The following ESR1 variants were observed in gnomAD, a reference collection of about 807,000 sequenced individuals.
ESR1 encodes estrogen receptor 1, also known as estrogen receptor.
In ESR1, 12 loss-of-function variants were observed where a neutral mutation model predicts 52.7. The ratio of observed to expected loss-of-function variants is 0.23; its 90% CI spans 0.15 to 0.37. ESR1 has a LOEUF of 0.37. ESR1 is among the 10% of genes least tolerant of loss of function. The pLI is 1.00. For synonymous variants in ESR1, 305 were observed against 316.8 expected (o/e 0.96, Z 0.39); for missense variants, 584 against 779.7 (o/e 0.75, Z 2.99).
At chr6:152,038,982 A>G (rs575368805) in intron 5 of ESR1, among the ~76,000 whole-genome samples, 1 of 152,214 alleles carries the variant, frequency 6.6e-6, no homozygotes, top group Non-Finnish European at 1.5e-5. Context: ...AAAGAAAGGA[A>G]GTAAAATGAA....
At chr6:152,052,800 C>T (rs1276907779) in intron 5 of ESR1, among the ~76,000 whole-genome samples, 2 of 152,068 alleles carry the variant, frequency 1.3e-5, no homozygotes, top group African/African-American at 4.8e-5. Flanking sequence ...TCCAAGCAGA[C>T]AGCACGGGCA....
intron 2 of ESR1, among the ~76,000 whole-genome samples, chr6:151,768,798 C>T (rs1284973555): frequency 2.0e-5 from 3 of 152,140 alleles, no homozygotes; most frequent in African/African-American, 7.2e-5. Context: ...TTTCCTTTAA[C>T]TCGTAAATTA....
chr6:151,734,718 G>T (rs1033177614), intron 2 of ESR1, among the ~76,000 whole-genome samples: 2 of 151,746 alleles, frequency 1.3e-5, no homozygotes, highest in Non-Finnish European at 3.0e-5. Context: ...TGCCTCCTGG[G>T]TTCAAGTGAT....
intron 4 of ESR1, among the ~76,000 whole-genome samples, chr6:151,960,244 A>C (rs1386356106): frequency 6.6e-6 from 1 of 152,208 alleles, no homozygotes; most frequent in Non-Finnish European, 1.5e-5. Context: ...GGGATACACC[A>C]AGCCCTGCCT....
chr6:151,867,483 C>G (rs1317873492), intron 2 of ESR1, among the ~76,000 whole-genome samples: 2 of 151,844 alleles, frequency 1.3e-5, no homozygotes, highest in Non-Finnish European at 1.5e-5. Flanking sequence ...TATGAACAGA[C>G]AGTTCTCAAA....
At chr6:151,827,629 A>T (rs1781731136) in intron 1 of ESR1, among the ~76,000 whole-genome samples, 1 of 152,216 alleles carries the variant, frequency 6.6e-6, no homozygotes, top group Non-Finnish European at 1.5e-5. Context: ...CTTCCAAAGG[A>T]TGATGACTAT....
intron 3 of ESR1, among the ~76,000 whole-genome samples, chr6:151,885,014 T>C (rs1793614183): frequency 1.3e-5 from 2 of 150,964 alleles, no homozygotes; most frequent in African/African-American, 4.9e-5. Flanking sequence ...ATAAACTCCA[T>C]GATGGCGCGG....
intron 1 of ESR1, among the ~76,000 whole-genome samples, chr6:151,832,891 C>T (rs1782675570): frequency 1.3e-5 from 2 of 152,090 alleles, no homozygotes; most frequent in African/African-American, 4.8e-5. Context: ...TTGTTAGTAT[C>T]GTGGTGGAAA....
intron 3 of ESR1, among the ~76,000 whole-genome samples, chr6:151,903,392 T>C (rs1796969985): frequency 6.6e-6 from 1 of 152,168 alleles, no homozygotes; most frequent in South Asian, 2.1e-4. Context: ...TTTGCAACTG[T>C]GAGAGAGCCG....
At chr6:151,835,469 A>G (rs2128221898) in intron 1 of ESR1, among the ~76,000 whole-genome samples, 1 of 152,278 alleles carries the variant, frequency 6.6e-6, no homozygotes, top group South Asian at 2.1e-4. Context: ...AAGGGAACGG[A>G]AGTGGAGTGG....
chr6:152,124,576 T>C (rs181435435), intron 6 of ESR1, among the ~76,000 whole-genome samples: 22 of 152,324 alleles, frequency 1.4e-4, no homozygotes, highest in African/African-American at 5.0e-4. Flanking sequence ...TGTCTTCTAC[T>C]GATTTGTCAG....
intron 1 of ESR1, among the ~76,000 whole-genome samples, chr6:151,841,043 C>T (rs1784204828): frequency 6.6e-6 from 1 of 152,164 alleles, no homozygotes; most frequent in African/African-American, 2.4e-5. Flanking sequence ...TTACCTCCTT[C>T]CTTCCAGTCT....
chr6:152,007,239 G>C (rs911187741), intron 4 of ESR1, among the ~76,000 whole-genome samples: 2 of 152,030 alleles, frequency 1.3e-5, no homozygotes, highest in African/African-American at 4.8e-5. Flanking sequence ...AGAGTGGAGA[G>C]AGGGCTCAGG....
chr6:151,764,290 T>C (rs1784878272), intron 2 of ESR1, among the ~76,000 whole-genome samples: 2 of 151,902 alleles, frequency 1.3e-5, no homozygotes, highest in Admixed American at 1.3e-4. Flanking sequence ...TTTTTCTGCC[T>C]GAGTAACAGA....
intron 2 of ESR1, among the ~76,000 whole-genome samples, chr6:151,752,558 TA>T (rs948806361): frequency 2.7e-5 from 4 of 149,870 alleles, no homozygotes; most frequent in Admixed American, 6.7e-5. Flanking sequence ...TTCACCAGAA[TA>T]AAAAAAAATT....
chr6:152,012,533 G>A (rs2042866230), intron 5 of ESR1, among the ~76,000 whole-genome samples: 1 of 152,100 alleles, frequency 6.6e-6, no homozygotes, highest in Non-Finnish European at 1.5e-5. Flanking sequence ...TACCAGAAAG[G>A]AAACTAAATC....
chr6:152,051,150 A>G (rs1022998058), intron 5 of ESR1, among the ~76,000 whole-genome samples: 2 of 152,008 alleles, frequency 1.3e-5, no homozygotes, highest in Non-Finnish European at 2.9e-5. Context: ...TTACTATAAT[A>G]CTTTCTATTC....
intron 2 of ESR1, among the ~76,000 whole-genome samples, chr6:151,869,569 C>T (rs748252661): frequency 6.6e-6 from 1 of 152,016 alleles, no homozygotes; most frequent in Non-Finnish European, 1.5e-5. Flanking sequence ...GTGCTTAAAA[C>T]AATTGTGGTT....
chr6:151,890,533 T>G (rs1794556445), intron 3 of ESR1, among the ~76,000 whole-genome samples: 1 of 152,234 alleles, frequency 6.6e-6, no homozygotes, highest in African/African-American at 2.4e-5. Context: ...GTTTGAACTT[T>G]CATTATTGAT....
Sources: gnomAD v4.1 joint callset for allele counts (sites outside exome capture counted in the v4.1 genomes callset) on GRCh38, gnomAD v4.1.1 for gene constraint, MANE v1.5 for transcripts, NCBI Gene and HGNC (gene_info 2026-07-23, HGNC 2026-07-21) for gene names.